The following RGS17 variants were observed in gnomAD, a reference collection of about 807,000 sequenced individuals.
The protein encoded by RGS17 is regulator of G protein signaling 17, also known as regulator of G-protein signaling 17.
Under a neutral mutation model 25.5 loss-of-function variants are expected in RGS17, and 12 were observed. The ratio of observed to expected loss-of-function variants is 0.47; its 90% CI spans 0.30 to 0.76. The LOEUF is 0.76. RGS17 is among the 30% of genes least tolerant of loss of function. The probability of loss-of-function intolerance (pLI) is 0.07; values close to 1 mark genes in which losing one functional copy is unlikely to be tolerated. For missense variants in RGS17, 196 were observed against 242.2 expected, an observed-to-expected ratio of 0.81 and a Z score of 1.27; for synonymous variants, 71 against 76.9, an observed-to-expected ratio of 0.92 and a Z score of 0.40.
chr6:153,096,758 T>G (rs1015432950), intron 1 of RGS17, among the ~76,000 whole-genome samples: 6 of 152,234 alleles, frequency 3.9e-5, no homozygotes, highest in Non-Finnish European at 1.5e-5. Flanking sequence ...GTCATAGAAC[T>G]GGCTTTTAGG....
At chr6:153,096,752 T>C (rs543824553) in intron 1 of RGS17, among the ~76,000 whole-genome samples, 3 of 152,252 alleles carry the variant, frequency 2.0e-5, no homozygotes, top group Admixed American at 6.5e-5. Context: ...AATAGGGTCA[T>C]AGAACTGGCT....
At chr6:153,044,260 T>C (rs1776360299) in intron 1 of RGS17, among the ~76,000 whole-genome samples, 1 of 152,202 alleles carries the variant, frequency 6.6e-6, no homozygotes, top group Non-Finnish European at 1.5e-5. Flanking sequence ...ATCTGCTGCA[T>C]AAAATTATAG....
At chr6:153,063,626 G>A (rs1367605611) in intron 1 of RGS17, among the ~76,000 whole-genome samples, 1 of 152,152 alleles carries the variant, frequency 6.6e-6, no homozygotes, top group Admixed American at 6.5e-5. Flanking sequence ...AAGAGTTGTT[G>A]GCCTTAGAGA....
chr6:153,049,623 C>T (rs372417239), intron 1 of RGS17, among the ~76,000 whole-genome samples: 19 of 151,968 alleles, frequency 1.3e-4, no homozygotes, highest in African/African-American at 3.4e-4. Flanking sequence ...TGGTGGCGGG[C>T]GACTGTAGTC....
rs1459248316 is a variant in RGS17, at chr6:153,005,484, T to C, written c.*6090A>G. 6.6e-6 allele frequency: 1 copy of C among 152,178 alleles called. No homozygotes were observed. The highest frequency in any genetic ancestry group is 2.4e-5 in the African/African-American group (1 of 41,436). 9.4% of individuals were successfully genotyped at this position (152,178 alleles called of 1,614,324 possible). On this transcript the variant is annotated 3_prime_UTR_variant, in exon 5 of 5. Transcript: ENST00000206262. ...ATTACTTTACAGTGGAGAAATATAA[T>C]AGATGCTACCTCAGCTAAGTGATCA...
chr6:153,033,544 CCT>C (rs1776185846), intron 2 of RGS17, among the ~76,000 whole-genome samples: 1 of 151,938 alleles, frequency 6.6e-6, no homozygotes, highest in Non-Finnish European at 1.5e-5. Context: ...ATGGTGAAAC[CCT>C]GTCTCTACTA....
intron 1 of RGS17, among the ~76,000 whole-genome samples, chr6:153,069,952 G>C (rs1228929028): frequency 6.6e-6 from 1 of 151,984 alleles, no homozygotes; most frequent in Admixed American, 6.6e-5. Context: ...AGCTCATGCT[G>C]GTTCCATCTT....
chr6:153,111,260 GGCGTCC>G, intron 1 of RGS17, among the ~76,000 whole-genome samples: 1 of 152,228 alleles, frequency 6.6e-6, no homozygotes, highest in Non-Finnish European at 1.5e-5. Flanking sequence ...TCGGGGGAGG[GGCGTCC>G]GCCATTACTG....
At chr6:153,059,555 G>A (rs1214152483) in intron 1 of RGS17, among the ~76,000 whole-genome samples, 2 of 152,248 alleles carry the variant, frequency 1.3e-5, no homozygotes, top group East Asian at 1.9e-4. Flanking sequence ...CTTAACCTCT[G>A]CCTTTGTTTG....
chr6:153,014,803 A>G (rs543808420), intron 4 of RGS17, among the ~76,000 whole-genome samples: 1 of 152,186 alleles, frequency 6.6e-6, no homozygotes, highest in South Asian at 2.1e-4. Context: ...GTCTCAAAAA[A>G]AAAAAAAAAA....
At chr6:153,126,511 T>G (rs73785763) in intron 1 of RGS17, among the ~76,000 whole-genome samples, 2 of 152,112 alleles carry the variant, frequency 1.3e-5, no homozygotes, top group East Asian at 3.9e-4. Flanking sequence ...AAAATTAATA[T>G]TAGCACTCAA....
rs2129104540 is a variant in RGS17, at chr6:153,008,335, A to C, written c.*3239T>G. On this transcript the variant is annotated 3_prime_UTR_variant, in exon 5 of 5. Transcript: ENST00000206262. Reference sequence around the variant, plus strand: ...TGTACATATTTTAAGATTTCAAAAAAAAAAAACATCACATTATGGTCTTGA... The same window carrying C: ...TGTACATATTTTAAGATTTCAAAAACAAAAAACATCACATTATGGTCTTGA... The C allele has an allele frequency of 6.6e-6, 1 of 152,318 alleles. No individual in the cohort carries two copies. Among genetic ancestry groups the C allele is most frequent in the East Asian group, 1.9e-4 (1 of 5,194 alleles). 9.4% of individuals were successfully genotyped at this position (152,318 alleles called of 1,614,324 possible).
intron 4 of RGS17, among the ~76,000 whole-genome samples, chr6:153,015,937 G>A (rs1194768248): frequency 2.0e-5 from 3 of 152,192 alleles, no homozygotes; most frequent in Non-Finnish European, 2.9e-5. Context: ...ACAGGTGTGA[G>A]CCACCGCGCC....
intron 1 of RGS17, among the ~76,000 whole-genome samples, chr6:153,053,918 T>A: frequency 1.5e-5 from 1 of 66,682 alleles, no homozygotes; most frequent in Non-Finnish European, 2.5e-5. Context: ...ACACATTATA[T>A]ATATATGTAT....
rs145915900 is a variant in RGS17 at position 153,105,535 on chromosome 6, G to A, written c.-26+25589C>T. ...TCATGAAGGTCTATACCAAGTGTTC[G>A]CTGCTGGAGAGGCAAGCTCAGAATT... On this transcript the variant is annotated intron_variant, in intron 1 of 4. Coordinates refer to ENST00000206262, the MANE Select transcript of RGS17 (RefSeq NM_012419.5). Among the ~76,000 whole-genome samples the A allele has an allele frequency of 9.9e-5, 15 of 152,266 alleles. No homozygotes were observed. The East Asian group carries it at 2.5e-3, about 25-fold the overall frequency.
chr6:153,120,663 C>A (rs546447408), intron 1 of RGS17, among the ~76,000 whole-genome samples: 32 of 152,282 alleles, frequency 2.1e-4, no homozygotes, highest in African/African-American at 7.7e-4. Context: ...CTCTGCCTAG[C>A]AAGGAAAATT....
intron 2 of RGS17, among the ~76,000 whole-genome samples, chr6:153,040,076 T>TGTGCCCTGG (rs1209833015): frequency 0.011 from 251 of 22,360 alleles, 1 homozygote; most frequent in African/African-American, 0.087. Context: ...GTGTCCATTT[T>TGTGCCCTGG]ATGTGTATTT....
intron 1 of RGS17, among the ~76,000 whole-genome samples, chr6:153,074,729 T>C (rs1776852533): frequency 6.6e-6 from 1 of 152,198 alleles, no homozygotes. Flanking sequence ...CAATCTTCGC[T>C]CTCATCATTA....
At chr6:153,114,542 AACC>A (rs1490066799) in intron 1 of RGS17, among the ~76,000 whole-genome samples, 1 of 152,214 alleles carries the variant, frequency 6.6e-6, no homozygotes, top group Non-Finnish European at 1.5e-5. Flanking sequence ...AACTATTCCA[AACC>A]ACAGAAAAAG....
Sources: gnomAD v4.1 joint callset for allele counts (sites outside exome capture counted in the v4.1 genomes callset) on GRCh38, gnomAD v4.1.1 for gene constraint, MANE v1.5 for transcripts, NCBI Gene and HGNC (gene_info 2026-07-23, HGNC 2026-07-21) for gene names.